Variants in AGBL1 observed in about 807,000 individuals in gnomAD.
AGBL1 encodes the protein AGBL carboxypeptidase 1.
Under a neutral mutation model 118.9 loss-of-function variants are expected in AGBL1, and 130 were observed. That is an observed-to-expected ratio of 1.09 (90% CI 0.95 to 1.26). AGBL1 has a LOEUF of 1.26. Ranked by LOEUF, AGBL1 falls within the 50% of genes most tolerant of loss-of-function variation. The probability of loss-of-function intolerance (pLI) is 0.00; values close to 1 mark genes in which losing one functional copy is unlikely to be tolerated. For missense variants in AGBL1, 1,584 were observed against 1,298.1 expected (o/e 1.22, Z -3.38); for synonymous variants, 555 against 478.9 (o/e 1.16, Z -2.08).
chr15:86,365,034 C>CTT (rs1470445907), intron 17 of AGBL1, among the ~76,000 whole-genome samples: 1 of 111,392 alleles, frequency 9.0e-6, no homozygotes, highest in Non-Finnish European at 1.9e-5. Flanking sequence ...TATACACACA[C>CTT]ATATATATAC....
At chr15:86,972,278 T>A (rs1267632565) in intron 23 of AGBL1, among the ~76,000 whole-genome samples, 1 of 151,894 alleles carries the variant, frequency 6.6e-6, no homozygotes, top group East Asian at 1.9e-4. Context: ...GAGAAAGAAG[T>A]TTCACAGATA....
chr15:86,396,243 G>GTGTGTGTGTA (rs928214589), intron 17 of AGBL1, among the ~76,000 whole-genome samples: 3 of 126,630 alleles, frequency 2.4e-5, no homozygotes, highest in African/African-American at 9.3e-5. Flanking sequence ...GTGTGTGTGT[G>GTGTGTGTGTA]TATATATATA....
At chr15:87,011,417 AG>A (rs1224762654) in intron 24 of AGBL1, among the ~76,000 whole-genome samples, 1 of 152,224 alleles carries the variant, frequency 6.6e-6, no homozygotes, top group Non-Finnish European at 1.5e-5. Flanking sequence ...ATGGGGGAAA[AG>A]GGGGAATATT....
intron 22 of AGBL1, among the ~76,000 whole-genome samples, chr15:86,869,926 C>G (rs1459765039): frequency 6.6e-6 from 1 of 152,142 alleles, no homozygotes; most frequent in Non-Finnish European, 1.5e-5. Context: ...TACCTGGTTG[C>G]TTACCTGGAC....
chr15:86,839,185 G>C (rs1432709269), intron 22 of AGBL1, among the ~76,000 whole-genome samples: 2 of 152,058 alleles, frequency 1.3e-5, no homozygotes, highest in Non-Finnish European at 2.9e-5. Flanking sequence ...TCATTTAGGA[G>C]TTGCAACATC....
intron 23 of AGBL1, among the ~76,000 whole-genome samples, chr15:86,956,587 C>A (rs912636467): frequency 6.6e-6 from 1 of 152,264 alleles, no homozygotes; most frequent in South Asian, 2.1e-4. Flanking sequence ...TTCAACAGAT[C>A]AGATGCGGTC....
chr15:86,324,768 C>G (rs1466972409), intron 17 of AGBL1, among the ~76,000 whole-genome samples: 1 of 152,180 alleles, frequency 6.6e-6, no homozygotes, highest in Non-Finnish European at 1.5e-5. Context: ...AGGATGGCCT[C>G]TTTGAAAAGA....
At chr15:86,119,388 G>A (rs1354545708) in intron 1 of AGBL1, among the ~76,000 whole-genome samples, 2 of 151,326 alleles carry the variant, frequency 1.3e-5, no homozygotes, top group African/African-American at 4.9e-5. Context: ...TGCTACTGAT[G>A]GGCTTCTTCT....
chr15:86,510,560 G>A (rs1309526306), intron 18 of AGBL1, among the ~76,000 whole-genome samples: 1 of 152,018 alleles, frequency 6.6e-6, no homozygotes, highest in East Asian at 1.9e-4. Context: ...AAGACTAGAA[G>A]TTCTATTGCA....
chr15:86,324,380 G>A (rs1280254709), intron 17 of AGBL1, among the ~76,000 whole-genome samples: 2 of 152,158 alleles, frequency 1.3e-5, no homozygotes, highest in Non-Finnish European at 2.9e-5. Flanking sequence ...AGGGGTAGGT[G>A]TTTCCCATTA....
rs555461245 is a variant in AGBL1 at position 86,715,130 on chromosome 15, A to G, written c.3158+40694A>G. On this transcript the variant is annotated intron_variant, in intron 22 of 22. Transcript: ENST00000614907. ...ATGTAAGAAATTGACCTGGCCCAGC[A>G]ACTTCACTGATTTAAGCCTGCAAAG... is the stretch of plus-strand genomic sequence containing the variant. Among the ~76,000 whole-genome samples the G allele has an allele frequency of 9.3e-4, 142 of 152,300 alleles. 5 individuals are homozygous for G. In the South Asian group the frequency reaches 0.028, roughly 30 times the overall value.
rs147536356 is a variant in AGBL1 at position 86,643,039 on chromosome 15, A to G, written c.2995-31234A>G. Among the ~76,000 whole-genome samples the G allele has an allele frequency of 1.9e-4, 29 of 152,252 alleles. No homozygotes were observed. In the East Asian group the frequency reaches 4.1e-3, roughly 21 times the overall value. ...TGACTTGGTTTCTTTTTACATCTCA[A>G]TTCTGACTTCTGGGGTGGCAAACTT... On this transcript the variant is annotated intron_variant, in intron 21 of 22. Coordinates refer to ENST00000614907, the MANE Select transcript of AGBL1 (RefSeq NM_001386094.1).
At chr15:86,262,184 A>G (rs2079001943) in intron 9 of AGBL1, among the ~76,000 whole-genome samples, 1 of 147,754 alleles carries the variant, frequency 6.8e-6, no homozygotes, top group Admixed American at 7.0e-5. Flanking sequence ...CAGTCTTAGT[A>G]ACATCATTCT....
At chr15:86,705,521 C>T (rs945138266) in intron 22 of AGBL1, among the ~76,000 whole-genome samples, 14 of 152,120 alleles carry the variant, frequency 9.2e-5, no homozygotes, top group African/African-American at 3.4e-4. Context: ...TATGTATTGG[C>T]TGAATTACTG....
At chr15:86,867,515 C>T (rs570025611) in intron 22 of AGBL1, among the ~76,000 whole-genome samples, 8 of 152,076 alleles carry the variant, frequency 5.3e-5, no homozygotes, top group Middle Eastern at 3.4e-3. Context: ...TTACACTGGA[C>T]GTGTTTAATT....
At chr15:86,584,182 A>G (rs144286798) in intron 21 of AGBL1, among the ~76,000 whole-genome samples, 2,675 of 152,196 alleles carry the variant, frequency 0.018, 88 homozygotes, top group African/African-American at 0.061. Flanking sequence ...GAAGCTCTTC[A>G]GTTTAATTAG....
intron 23 of AGBL1, among the ~76,000 whole-genome samples, chr15:86,934,462 C>G (rs1354601105): frequency 6.6e-6 from 1 of 151,994 alleles, no homozygotes; most frequent in South Asian, 2.1e-4. Context: ...AATAAACAAG[C>G]CAGTATGTTC....
chr15:87,025,651 T>C (rs1413178059), intron 24 of AGBL1, among the ~76,000 whole-genome samples: 2 of 151,796 alleles, frequency 1.3e-5, no homozygotes, highest in African/African-American at 4.8e-5. Flanking sequence ...AAAAAAATTC[T>C]AAAATTCATA....
At chr15:86,479,725 C>T (rs2082622284) in intron 18 of AGBL1, among the ~76,000 whole-genome samples, 1 of 152,126 alleles carries the variant, frequency 6.6e-6, no homozygotes, top group Non-Finnish European at 1.5e-5. Flanking sequence ...CCCAGCCATC[C>T]CATTACTGGG....
Sources: gnomAD v4.1 joint callset for allele counts (sites outside exome capture counted in the v4.1 genomes callset) on GRCh38, gnomAD v4.1.1 for gene constraint, MANE v1.5 for transcripts, NCBI Gene and HGNC (gene_info 2026-07-23, HGNC 2026-07-21) for gene names.